KCNQ1OT1: variants seen among roughly 807,000 people sequenced by gnomAD.
KCNQ1OT1 encodes the protein KCNQ1 opposite strand/antisense transcript 1.
exon 1 of KCNQ1OT1, chr11:2,680,324 C>CA (rs34634347): frequency 0.6 from 235,302 of 390,472 alleles, 74,537 homozygotes; most frequent in East Asian, 0.98. Flanking sequence ...TTCCCCACCT[C>CA]AAAAAAAAAG....
rs1237159617 is a variant in KCNQ1OT1, at chr11:2,677,858, C to CTT, written n.22135_22136dup. ...AATAAGGGCTGTACCATTTACATCACTTTGACTGCACAAATGCACTTTCTT... is the reference window on the plus strand; with the variant it reads ...AATAAGGGCTGTACCATTTACATCACTTTTTGACTGCACAAATGCACTTTCTT... On this transcript the variant is annotated non_coding_transcript_exon_variant, in exon 1 of 1. Transcript: ENST00000597346. The surrounding 1 kb of genome is among the most constrained non-coding windows in gnomAD (Gnocchi z 4.5). The CTT allele has an allele frequency of 1.0e-5, 4 of 398,364 alleles. No homozygotes were observed. The highest frequency in any genetic ancestry group is 8.2e-5 in the African/African-American group (4 of 48,606). 24.7% of individuals were successfully genotyped at this position (398,364 alleles called of 1,614,324 possible).
At chr11:2,629,018 A>G (rs560868633) in exon 1 of KCNQ1OT1, 1 of 398,292 alleles carries the variant, frequency 2.5e-6, no homozygotes, top group Admixed American at 4.4e-5. Context: ...CAAAATAAGC[A>G]TGTGTAATAT....
exon 1 of KCNQ1OT1, chr11:2,634,337 C>G (rs1467989767): frequency 2.7e-5 from 5 of 182,856 alleles, no homozygotes; most frequent in Non-Finnish European, 4.6e-5. Flanking sequence ...TCCCCCCCCA[C>G]CCCACAACAG....
chr11:2,636,778 A>T (rs1849474380), exon 1 of KCNQ1OT1: 2 of 152,084 alleles, frequency 1.3e-5, no homozygotes, highest in African/African-American at 4.8e-5. Context: ...TCCTCCTTGT[A>T]CCTCTGGTAG....
In KCNQ1OT1 at chr11:2,626,969, G is replaced by C; in HGVS notation, n.73026C>G. ...CTTCTTTCTGCAAATAACATCATTA[G>C]GATTTTTATTGGGATTACCTTGGAT... On this transcript the variant is annotated non_coding_transcript_exon_variant, in exon 1 of 1. Transcript: ENST00000597346. The surrounding 1 kb of genome is among the most constrained non-coding windows in gnomAD (Gnocchi z 4.0). 2.5e-6 allele frequency: 1 copy of C among 398,562 alleles called. No individual in the cohort carries two copies. The highest frequency in any genetic ancestry group is 4.4e-6 in the Non-Finnish European group (1 of 226,042). The allele number at this position is 398,562 out of a possible 1,614,324, so 24.7% of individuals were successfully genotyped here. A position where few individuals can be genotyped will look rare whatever the true frequency, so the allele number is the denominator to read the frequency against.
At position 2,624,355 on chromosome 11, in the gene KCNQ1OT1, C is replaced by T. The variant is rs1327350206; in HGVS notation, n.75640G>A. On this transcript the variant is annotated non_coding_transcript_exon_variant, in exon 1 of 1. Coordinates refer to ENST00000597346, the Ensembl canonical transcript of KCNQ1OT1. This position sits in a 1 kb window ranked among gnomAD's most constrained non-coding sequence, Gnocchi z 4.9. ...TATATCTTTTACAAGTATTGTCTCCCTTCTGTGGCCTGTCCTTTCATCCTC... is the reference window on the plus strand; with the variant it reads ...TATATCTTTTACAAGTATTGTCTCCTTTCTGTGGCCTGTCCTTTCATCCTC... 4 of 398,296 alleles carry T rather than the reference C, an allele frequency of 1.0e-5. No individual in the cohort carries two copies. The Admixed American group carries it at 1.8e-4, about 18-fold the overall frequency. 24.7% of individuals were successfully genotyped at this position (398,296 alleles called of 1,614,324 possible).
rs1025118407 is a variant in KCNQ1OT1, at chr11:2,695,268, C to A, written n.4727G>T. 2 of 398,662 alleles carry A rather than the reference C, an allele frequency of 5.0e-6. No homozygotes were observed. The highest frequency in any genetic ancestry group is 8.8e-6 in the Non-Finnish European group (2 of 226,162). The allele number at this position is 398,662 out of a possible 1,614,324, so 24.7% of individuals were successfully genotyped here. A position where few individuals can be genotyped will look rare whatever the true frequency, so the allele number is the denominator to read the frequency against. ...CCATGCTTTTCCACTTCATCTCTAG[C>A]CTCTATCCTTGCTCTCCTCCCTACA... On this transcript the variant is annotated non_coding_transcript_exon_variant, in exon 1 of 1. Transcript: ENST00000597346. This position sits in a 1 kb window ranked among gnomAD's most constrained non-coding sequence, Gnocchi z 5.2.
Position 2,669,123 on chromosome 11 carries a change from C to A in KCNQ1OT1, n.30872G>T, listed in dbSNP as rs940183340. 5 of 398,612 alleles carry A rather than the reference C, an allele frequency of 1.3e-5. No individual in the cohort carries two copies. Among genetic ancestry groups the A allele is most frequent in the African/African-American group, 8.2e-5 (4 of 48,636 alleles). The allele number at this position is 398,612 out of a possible 1,614,324, so 24.7% of individuals were successfully genotyped here. A position where few individuals can be genotyped will look rare whatever the true frequency, so the allele number is the denominator to read the frequency against. ...TCACTGGCTACGTGTGGCTCTGTTT[C>A]TGGACCCTATTGGGTGCCACTGGTC... On this transcript the variant is annotated non_coding_transcript_exon_variant, in exon 1 of 1. Transcript: ENST00000597346. The surrounding 1 kb of genome is among the most constrained non-coding windows in gnomAD (Gnocchi z 5.6).
At chr11:2,641,950 G>T (rs1023267723) in exon 1 of KCNQ1OT1, 39 of 398,218 alleles carry the variant, frequency 9.8e-5, no homozygotes, top group African/African-American at 8.0e-4. Flanking sequence ...GTAAATACAT[G>T]GATTTACTTC....
chr11:2,696,361 TC>T, exon 1 of KCNQ1OT1: 1 of 398,652 alleles, frequency 2.5e-6, no homozygotes. Context: ...TTCTGAACAG[TC>T]CCCACTGATA....
chr11:2,627,910 C>A lies in KCNQ1OT1; in HGVS notation n.72085G>T. 2.5e-6 allele frequency: 1 copy of A among 398,484 alleles called. No homozygotes were observed. The highest frequency in any genetic ancestry group is 4.4e-6 in the Non-Finnish European group (1 of 226,112). The allele number at this position is 398,484 out of a possible 1,614,324, so 24.7% of individuals were successfully genotyped here. The stretch of plus-strand genomic sequence containing the variant: ...GGACCACAGTCATGCACCCCCATGC[C>A]CAGCTAATTTTTAAAATTTTATGTA... On this transcript the variant is annotated non_coding_transcript_exon_variant, in exon 1 of 1. Coordinates refer to ENST00000597346, the Ensembl canonical transcript of KCNQ1OT1. The surrounding 1 kb of genome is among the most constrained non-coding windows in gnomAD (Gnocchi z 4.9).
At position 2,664,610 on chromosome 11, in the gene KCNQ1OT1, C is replaced by T. The variant is rs1850030809; in HGVS notation, n.35385G>A. 2 of 398,570 alleles carry T rather than the reference C, an allele frequency of 5.0e-6. No homozygotes were observed. Among genetic ancestry groups the T allele is most frequent in the Middle Eastern group, 6.2e-4 (1 of 1,610 alleles). The allele number at this position is 398,570 out of a possible 1,614,324, so 24.7% of individuals were successfully genotyped here. Reference sequence around the variant, plus strand: ...GCATTCCTCCACCTCCTGCACAGCCCGCCCAGTGATGCCCATAATTAAATT... The same window carrying T: ...GCATTCCTCCACCTCCTGCACAGCCTGCCCAGTGATGCCCATAATTAAATT... On this transcript the variant is annotated non_coding_transcript_exon_variant, in exon 1 of 1. Transcript: ENST00000597346. The surrounding 1 kb of genome is among the most constrained non-coding windows in gnomAD (Gnocchi z 5.1).
In KCNQ1OT1 at chr11:2,661,226, G is replaced by A; in HGVS notation, n.38769C>T. ...TTGAATTATTCCACTTCTCACAGAT[G>A]AGTACTTAATCCTTTTGCAATAAAA... On this transcript the variant is annotated non_coding_transcript_exon_variant, in exon 1 of 1. Coordinates refer to ENST00000597346, the Ensembl canonical transcript of KCNQ1OT1. The surrounding 1 kb of genome is among the most constrained non-coding windows in gnomAD (Gnocchi z 5.9). 2.5e-6 allele frequency: 1 copy of A among 398,834 alleles called. No homozygotes were observed. The highest frequency in any genetic ancestry group is 4.4e-5 in the Admixed American group (1 of 22,744). 24.7% of individuals were successfully genotyped at this position (398,834 alleles called of 1,614,324 possible).
At position 2,657,183 on chromosome 11, in the gene KCNQ1OT1, G is replaced by A. The variant is rs909076677; in HGVS notation, n.42812C>T. The A allele has an allele frequency of 7.5e-6, 3 of 398,636 alleles. No homozygotes were observed. Among genetic ancestry groups the A allele is most frequent in the Non-Finnish European group, 1.3e-5 (3 of 226,062 alleles). 24.7% of individuals were successfully genotyped at this position (398,636 alleles called of 1,614,324 possible). ...GTTCTCCCACCTTGTTCTTCTTCAA[G>A]AATATTGCCAATTCTTGGCTTTTTG... On this transcript the variant is annotated non_coding_transcript_exon_variant, in exon 1 of 1. Transcript: ENST00000597346. This position sits in a 1 kb window ranked among gnomAD's most constrained non-coding sequence, Gnocchi z 4.8.
chr11:2,699,503 GA>G lies in KCNQ1OT1; in HGVS notation n.491del, dbSNP rs1850738889. 3.3e-5 allele frequency: 6 copies of G among 181,042 alleles called. No individual in the cohort carries two copies. In the East Asian group the frequency reaches 5.3e-3, roughly 159 times the overall value. The allele number at this position is 181,042 out of a possible 1,614,324, so 11.2% of individuals were successfully genotyped here. On this transcript the variant is annotated non_coding_transcript_exon_variant, in exon 1 of 1. Coordinates refer to ENST00000597346, the Ensembl canonical transcript of KCNQ1OT1. Reference sequence around the variant, plus strand: ...GAGCCCCCGGGGAGAGTGCCGCGCTGAGGAGCCCCCAGGAGAGTGCCGCGCT... The same window carrying G: ...GAGCCCCCGGGGAGAGTGCCGCGCTGGGAGCCCCCAGGAGAGTGCCGCGCT...
rs1036214803 is a variant in KCNQ1OT1, at chr11:2,657,333, G to C, written n.42662C>G. On this transcript the variant is annotated non_coding_transcript_exon_variant, in exon 1 of 1. Transcript: ENST00000597346. This position sits in a 1 kb window ranked among gnomAD's most constrained non-coding sequence, Gnocchi z 4.8. ...AATCTTTTCAGTATTGAGTCTTCTAGTCATTGGAATGAAGGCATATTTCTC... is the reference window on the plus strand; with the variant it reads ...AATCTTTTCAGTATTGAGTCTTCTACTCATTGGAATGAAGGCATATTTCTC... The C allele has an allele frequency of 7.5e-6, 3 of 398,470 alleles. No individual in the cohort carries two copies. Among genetic ancestry groups the C allele is most frequent in the African/African-American group, 6.2e-5 (3 of 48,620 alleles). The allele number at this position is 398,470 out of a possible 1,614,324, so 24.7% of individuals were successfully genotyped here. A position where few individuals can be genotyped will look rare whatever the true frequency, so the allele number is the denominator to read the frequency against.
chr11:2,633,972 A>T (rs967522423), exon 1 of KCNQ1OT1: 2 of 398,392 alleles, frequency 5.0e-6, no homozygotes, highest in Non-Finnish European at 4.4e-6. Context: ...TACAGTTCAA[A>T]TCTATGTTGT....
At chr11:2,694,495 G>A (rs949779297) in exon 1 of KCNQ1OT1, 1 of 398,548 alleles carries the variant, frequency 2.5e-6, no homozygotes, top group African/African-American at 2.1e-5. Context: ...AGCATTACCA[G>A]TGTGGCTGGC....
At position 2,677,700 on chromosome 11, in the gene KCNQ1OT1, A is replaced by G; in HGVS notation, n.22295T>C. On this transcript the variant is annotated non_coding_transcript_exon_variant, in exon 1 of 1. Transcript: ENST00000597346. The surrounding 1 kb of genome is among the most constrained non-coding windows in gnomAD (Gnocchi z 4.5). ...TTTAACTACTGTTATTTTTCAAATT[A>G]ACTTCCCAATCAAATATCTCTATTG... is the stretch of plus-strand genomic sequence containing the variant. 1 of 398,600 alleles carries G rather than the reference A, an allele frequency of 2.5e-6. No homozygotes were observed. The highest frequency in any genetic ancestry group is 4.4e-5 in the Admixed American group (1 of 22,746). The allele number at this position is 398,600 out of a possible 1,614,324, so 24.7% of individuals were successfully genotyped here. A position where few individuals can be genotyped will look rare whatever the true frequency, so the allele number is the denominator to read the frequency against.
Sources: allele counts gnomAD v4.1 joint callset, GRCh38; gene constraint gnomAD v4.1.1; non-coding constraint Gnocchi (gnomAD v3.1); transcripts MANE v1.5; gene names NCBI Gene and HGNC (gene_info 2026-07-23, HGNC 2026-07-21).